The following DMTN variants were observed in gnomAD, a reference collection of about 807,000 sequenced individuals.
DMTN encodes dematin.
In DMTN, 27 loss-of-function variants were observed where a neutral mutation model predicts 59.4. The observed-to-expected ratio is 0.45, with a 90% confidence interval of 0.33 to 0.63. The LOEUF is 0.63. Ranked by LOEUF, DMTN falls within the 20% of genes least tolerant of loss-of-function variation. DMTN has a pLI of 0.02. For synonymous variants in DMTN, 221 were observed against 203.7 expected (o/e 1.08, Z -0.72); for missense variants, 451 against 528.9 (o/e 0.85, Z 1.45).
In DMTN at chr8:22,073,831, T is replaced by C. The variant is rs561047435; in HGVS notation, c.831T>C (p.His277=). 5 of 1,613,524 alleles carry C rather than the reference T, an allele frequency of 3.1e-6. No individual in the cohort carries two copies. Among genetic ancestry groups the C allele is most frequent in the Non-Finnish European group, 8.5e-7 (1 of 1,179,596 alleles). ...CTCTGCCTGACCGGACACCCTTCCATACCTGTGAGTGCTGTGGAGGGGGCT... is the reference window on the plus strand; with the variant it reads ...CTCTGCCTGACCGGACACCCTTCCACACCTGTGAGTGCTGTGGAGGGGGCT... The part of the protein sequence containing the change: ...TRSLPDRTPF[H]TSLHQGTSKS... The change falls in exon 10 of 16, where the codon CAT becomes CAC. Residue 277 remains histidine (H), a synonymous_variant. Coordinates refer to ENST00000358242, the MANE Select transcript of DMTN (RefSeq NM_001387751.1).
chr8:22,054,075 T>A (rs903680890), upstream of DMTN, among the ~76,000 whole-genome samples: 2 of 144,246 alleles, frequency 1.4e-5, no homozygotes, highest in Non-Finnish European at 3.0e-5. Flanking sequence ...AGGGTCCCCT[T>A]GCCTCCCCTC....
In DMTN at chr8:22,081,101, C is replaced by T. The variant is rs765831963; in HGVS notation, c.1024-12C>T. 4 of 751,320 alleles carry T rather than the reference C, an allele frequency of 5.3e-6. No individual in the cohort carries two copies. The highest frequency in any genetic ancestry group is 8.9e-6 in the Non-Finnish European group (4 of 450,394). The allele number at this position is 751,320 out of a possible 1,614,324, so 46.5% of individuals were successfully genotyped here. On this transcript the variant is annotated splice_polypyrimidine_tract_variant and intron_variant, in intron 14 of 15. Coordinates refer to ENST00000358242, the MANE Select transcript of DMTN (RefSeq NM_001387751.1). ...TCTGTGAGCCTAAGATTGCCCCTCC[C>T]CCCACCCCCAGATCTATCCCTATGA...
chr8:22,072,433 A>C lies in DMTN; in HGVS notation c.712A>C (p.Arg238=). Reference sequence around the variant, plus strand: ...GATGAAGGCTCTCAGGGAGCGTCAGAGAGAGGAACTCAGTAAGGTAGCATC... The same window carrying C: ...GATGAAGGCTCTCAGGGAGCGTCAGCGAGAGGAACTCAGTAAGGTAGCATC... The part of the protein sequence containing the change: ...EEMKALRERQ[R]EELSKVTSNL... The change falls in exon 9 of 16, where the codon AGA becomes CGA. Residue 238 remains arginine (R), a synonymous_variant. Coordinates refer to ENST00000358242, the MANE Select transcript of DMTN (RefSeq NM_001387751.1). 6.4e-7 allele frequency: 1 copy of C among 1,572,378 alleles called. No homozygotes were observed. The highest frequency in any genetic ancestry group is 8.6e-7 in the Non-Finnish European group (1 of 1,157,296).
chr8:22,082,280 C>G lies in DMTN; in HGVS notation c.*817C>G. ...CTACACCCACGCACCCCCCCACACA[C>G]TATGCTCTCTCAAGAATGTAATTTA... On this transcript the variant is annotated 3_prime_UTR_variant, in exon 16 of 16. Coordinates refer to ENST00000358242, the MANE Select transcript of DMTN (RefSeq NM_001387751.1). 2.2e-6 allele frequency: 1 copy of G among 456,836 alleles called. No individual in the cohort carries two copies. The highest frequency in any genetic ancestry group is 2.4e-5 in the Admixed American group (1 of 42,550). 28.3% of individuals were successfully genotyped at this position (456,836 alleles called of 1,614,324 possible).
chr8:22,078,796 C>CTTTTTTTT (rs1563533987), intron 10 of DMTN, among the ~76,000 whole-genome samples: 10 of 17,300 alleles, frequency 5.8e-4, no homozygotes, highest in Admixed American at 3.5e-3. Context: ...TAATGTCAGA[C>CTTTTTTTT]TGTTTTTTTT....
At chr8:22,051,522 C>T (rs1319426705), upstream of DMTN, among the ~76,000 whole-genome samples, 1 of 152,092 alleles carries the variant, frequency 6.6e-6, no homozygotes, top group African/African-American at 2.4e-5. Context: ...GGCAAAGAAC[C>T]GTTTCTCCTT....
At position 22,081,097 on chromosome 8, in the gene DMTN, C is replaced by T. The variant is rs760988642; in HGVS notation, c.1024-16C>T. On this transcript the variant is annotated splice_polypyrimidine_tract_variant and intron_variant, in intron 14 of 15. Transcript: ENST00000358242. The stretch of plus-strand genomic sequence containing the variant: ...ATATTCTGTGAGCCTAAGATTGCCC[C>T]TCCCCCCACCCCCAGATCTATCCCT... The T allele has an allele frequency of 1.1e-5, 7 of 643,160 alleles. No individual in the cohort carries two copies. The highest frequency in any genetic ancestry group is 1.9e-5 in the Non-Finnish European group (7 of 359,004). 39.8% of individuals were successfully genotyped at this position (643,160 alleles called of 1,614,324 possible). A position where few individuals can be genotyped will look rare whatever the true frequency, so the allele number is the denominator to read the frequency against.
intron 10 of DMTN, among the ~76,000 whole-genome samples, chr8:22,077,890 G>A (rs946792913): frequency 6.6e-6 from 1 of 152,174 alleles, no homozygotes; most frequent in Non-Finnish European, 1.5e-5. Flanking sequence ...TGCAGGGTTT[G>A]AAGGTTGAAA....
Position 22,072,395 on chromosome 8 carries a change from A to G in DMTN, c.674A>G (p.Asp225Gly). Reference sequence around the variant, plus strand: ...GAAGAGGAGGAGGAGGAAGATGACGACTCTGGAGAGGAGATGAAGGCTCTC... The same window carrying G: ...GAAGAGGAGGAGGAGGAAGATGACGGCTCTGGAGAGGAGATGAAGGCTCTC... Reference protein sequence around the residue: ...AEEEEEEEDDDSGEEMKALRE... With the variant: ...AEEEEEEEDDGSGEEMKALRE... The change falls in exon 9 of 16, where the codon GAC (aspartate) becomes GGC (glycine). Residue 225 changes from aspartate to glycine, a missense_variant. Transcript: ENST00000358242. 1 of 1,598,804 alleles carries G rather than the reference A, an allele frequency of 6.3e-7. No individual in the cohort carries two copies. The highest frequency in any genetic ancestry group is 1.3e-5 in the African/African-American group (1 of 74,476).
intron 6 of DMTN, 48 bp downstream of exon 6, chr8:22,069,566 C>G (rs757199597): frequency 2.0e-6 from 3 of 1,472,564 alleles, no homozygotes; most frequent in Admixed American, 2.0e-5. Context: ...CTTTCTCCAT[C>G]AGGAACCCCA....
rs908181654 is a variant in DMTN at position 22,081,837 on chromosome 8, A to C, written c.*374A>C. 1 of 471,176 alleles carries C rather than the reference A, an allele frequency of 2.1e-6. No individual in the cohort carries two copies. Among genetic ancestry groups the C allele is most frequent in the Admixed American group, 2.3e-5 (1 of 42,934 alleles). The allele number at this position is 471,176 out of a possible 1,614,324, so 29.2% of individuals were successfully genotyped here. A position where few individuals can be genotyped will look rare whatever the true frequency, so the allele number is the denominator to read the frequency against. ...CTGGAGGGAAGATGCAGGGGTGGGA[A>C]GCGGCCAGGCAGAAAGAGCTCCAGG... On this transcript the variant is annotated 3_prime_UTR_variant, in exon 16 of 16. Coordinates refer to ENST00000358242, the MANE Select transcript of DMTN (RefSeq NM_001387751.1).
In DMTN at chr8:22,067,677, C is replaced by G. The variant is rs748826566; in HGVS notation, c.244C>G (p.Arg82Gly). The change falls in exon 4 of 16, where the codon CGC becomes GGC. Residue 82 changes from arginine (R) to glycine (G), a missense_variant. Coordinates refer to ENST00000358242, the MANE Select transcript of DMTN (RefSeq NM_001387751.1). ...LLEHVELPRSRERSLSPKSTS... is the reference protein window; with the variant it reads ...LLEHVELPRSGERSLSPKSTS... Reference sequence around the variant, plus strand: ...GGAACACGTGGAGCTGCCTCGCAGCCGCGAGGTGAGGGGGCTCCTCTTGGG... The same window carrying G: ...GGAACACGTGGAGCTGCCTCGCAGCGGCGAGGTGAGGGGGCTCCTCTTGGG... 1.2e-6 allele frequency: 2 copies of G among 1,613,782 alleles called. No homozygotes were observed. Among genetic ancestry groups the G allele is most frequent in the Non-Finnish European group, 1.7e-6 (2 of 1,179,988 alleles).
intron 11 of DMTN, 26 bp from the exon 12 acceptor site, chr8:22,080,386 C>G: frequency 6.2e-7 from 1 of 1,614,170 alleles, no homozygotes. Flanking sequence ...CCCCGACTGC[C>G]TCTGATTCCT....
upstream of DMTN, among the ~76,000 whole-genome samples, chr8:22,051,599 C>G (rs1801360750): frequency 6.6e-6 from 1 of 152,150 alleles, no homozygotes; most frequent in Non-Finnish European, 1.5e-5. Context: ...CCCAGCTCCT[C>G]ACAGAGGACC....
rs1206361200 is a variant in DMTN at position 22,081,771 on chromosome 8, G to C, written c.*308G>C. The C allele has an allele frequency of 3.8e-6, 2 of 524,638 alleles. No homozygotes were observed. The highest frequency in any genetic ancestry group is 7.3e-6 in the Non-Finnish European group (2 of 274,286). 32.5% of individuals were successfully genotyped at this position (524,638 alleles called of 1,614,324 possible). A position where few individuals can be genotyped will look rare whatever the true frequency, so the allele number is the denominator to read the frequency against. On this transcript the variant is annotated 3_prime_UTR_variant, in exon 16 of 16. Coordinates refer to ENST00000358242, the MANE Select transcript of DMTN (RefSeq NM_001387751.1). Reference sequence around the variant, plus strand: ...CTCACCCCAGAGGGTGAGGAGGAATGAGGGGCATTGGTGGTTAGGCCGGTT... The same window carrying C: ...CTCACCCCAGAGGGTGAGGAGGAATCAGGGGCATTGGTGGTTAGGCCGGTT...
chr8:22,081,276 A>T, intron 15 of DMTN, 74 bp from the exon 16 acceptor site: 1 of 1,595,410 alleles, frequency 6.3e-7, no homozygotes, highest in Non-Finnish European at 8.6e-7. Flanking sequence ...GGCCTCTATG[A>T]GTGAGTGTCC....
In DMTN at chr8:22,058,548, A is replaced by T. The variant is rs1364557309; in HGVS notation, c.-172+1412A>T. Among the ~76,000 whole-genome samples the T allele has an allele frequency of 6.6e-6, 1 of 152,138 alleles. No homozygotes were observed. Among genetic ancestry groups the T allele is most frequent in the Non-Finnish European group, 1.5e-5 (1 of 67,998 alleles). On this transcript the variant is annotated intron_variant, in intron 1 of 15. Transcript: ENST00000358242. This position sits in a 1 kb window ranked among gnomAD's most constrained non-coding sequence, Gnocchi z 4.3. ...GACCTAGGAGAAGATGGCTGCACAG[A>T]TGCGTCTCTGGGTGGGCTAGAGAGG...
upstream of DMTN, chr8:22,053,837 T>G (rs1801629695): frequency 1.3e-5 from 2 of 152,224 alleles, no homozygotes; most frequent in Admixed American, 6.5e-5. Flanking sequence ...GGAGCAGAGC[T>G]GAGGAAGCCC....
In DMTN at chr8:22,066,803, G is replaced by A. The variant is rs1288444695; in HGVS notation, c.-73G>A. The A allele has an allele frequency of 3.6e-5, 51 of 1,409,234 alleles. No homozygotes were observed. Among genetic ancestry groups the A allele is most frequent in the Middle Eastern group, 2.6e-4 (1 of 3,888 alleles). The allele number at this position is 1,409,234 out of a possible 1,614,324, so 87.3% of individuals were successfully genotyped here. The stretch of plus-strand genomic sequence containing the variant: ...GCGCGCAGCGCCCAGCAGCCGCGCC[G>A]AGCCTGACACGCTGTCCTCTCCCCT... On this transcript the variant is annotated 5_prime_UTR_variant, in exon 2 of 16. Transcript: ENST00000358242.
Sources: gnomAD v4.1 joint callset for allele counts (sites outside exome capture counted in the v4.1 genomes callset) on GRCh38, gnomAD v4.1.1 for gene constraint, Gnocchi (gnomAD v3.1) non-coding constraint, MANE v1.5 for transcripts, NCBI Gene and HGNC (gene_info 2026-07-23, HGNC 2026-07-21) for gene names.